Variants in SH3BGR observed in about 807,000 individuals in gnomAD.
The protein encoded by SH3BGR is SH3 domain-binding glutamic acid-rich protein.
A neutral mutation model predicts 24.5 loss-of-function variants in SH3BGR; 29 were observed. That is an observed-to-expected ratio of 1.18 (90% CI 0.88 to 1.61). The LOEUF (loss-of-function observed/expected upper bound fraction) is 1.61. Ranked by LOEUF, SH3BGR falls within the 40% of genes most tolerant of loss-of-function variation. The probability of loss-of-function intolerance (pLI) is 0.00; values close to 1 mark genes in which losing one functional copy is unlikely to be tolerated. For synonymous variants in SH3BGR, 55 were observed against 65.7 expected (o/e 0.84, Z 0.79); for missense variants, 162 against 205.8 (o/e 0.79, Z 1.30).
At chr21:39,501,022 T>C (rs2078485868) in intron 4 of SH3BGR, among the ~76,000 whole-genome samples, 1 of 152,354 alleles carries the variant, frequency 6.6e-6, no homozygotes, top group East Asian at 1.9e-4. Context: ...ACCTAGAAGT[T>C]AGACGGTGTT....
upstream of SH3BGR, among the ~76,000 whole-genome samples, chr21:39,451,617 G>A (rs1474377075): frequency 2.6e-5 from 4 of 152,100 alleles, no homozygotes; most frequent in Admixed American, 6.5e-5. Flanking sequence ...TTTAAACCCA[G>A]CCTCCTCCTA....
chr21:39,501,613 A>T (rs1023986626), intron 4 of SH3BGR, among the ~76,000 whole-genome samples: 7 of 152,362 alleles, frequency 4.6e-5, no homozygotes, highest in African/African-American at 1.7e-4. Flanking sequence ...CTACAGAAAG[A>T]CAGATTCTGA....
intron 2 of SH3BGR, among the ~76,000 whole-genome samples, chr21:39,465,234 A>G (rs569764666): frequency 6.6e-6 from 1 of 152,134 alleles, no homozygotes; most frequent in Admixed American, 6.5e-5. Context: ...CATTCTGGCT[A>G]CCTTCCCCTG....
chr21:39,446,304 T>A (rs2077463560), intron 1 of SH3BGR, among the ~76,000 whole-genome samples: 1 of 152,214 alleles, frequency 6.6e-6, no homozygotes, highest in African/African-American at 2.4e-5. Context: ...TGTTTTTTAA[T>A]GACAGCATAG....
At chr21:39,470,524 A>G (rs1175497193) in intron 2 of SH3BGR, among the ~76,000 whole-genome samples, 1 of 152,220 alleles carries the variant, frequency 6.6e-6, no homozygotes, top group Admixed American at 6.5e-5. Context: ...GGCCTCCCAA[A>G]GTGCTGGGAT....
chr21:39,496,506 C>CA (rs56909090), intron 3 of SH3BGR, among the ~76,000 whole-genome samples: 2,833 of 102,326 alleles, frequency 0.028, 40 homozygotes, highest in Non-Finnish European at 0.036. Context: ...GACTCCGTCT[C>CA]AAAAAAAAAA....
chr21:39,456,608 T>C (rs1167278396), intron 1 of SH3BGR, among the ~76,000 whole-genome samples: 1 of 148,334 alleles, frequency 6.7e-6, no homozygotes, highest in Non-Finnish European at 1.5e-5. Flanking sequence ...GCAGATTCCA[T>C]GCGGGGTAGC....
intron 3 of SH3BGR, among the ~76,000 whole-genome samples, chr21:39,481,594 A>G (rs1280390546): frequency 6.6e-6 from 1 of 152,200 alleles, no homozygotes; most frequent in African/African-American, 2.4e-5. Context: ...AAACCTATCT[A>G]CGCTTAAGTC....
chr21:39,497,696 G>C (rs1451042113), intron 3 of SH3BGR, among the ~76,000 whole-genome samples: 1 of 152,062 alleles, frequency 6.6e-6, no homozygotes, highest in Non-Finnish European at 1.5e-5. Flanking sequence ...ATTATTTGAA[G>C]AGGAAATAGA....
At chr21:39,447,764 G>A (rs1003738627), upstream of SH3BGR, among the ~76,000 whole-genome samples, 1 of 152,090 alleles carries the variant, frequency 6.6e-6, no homozygotes, top group African/African-American at 2.4e-5. Flanking sequence ...GTACACAATG[G>A]AAGGAGAAGA....
At chr21:39,479,901 T>TA (rs2078104642) in intron 3 of SH3BGR, among the ~76,000 whole-genome samples, 2 of 152,218 alleles carry the variant, frequency 1.3e-5, no homozygotes, top group Non-Finnish European at 1.5e-5. Context: ...CTTGTCCATT[T>TA]ACCCTGTTCT....
intron 3 of SH3BGR, among the ~76,000 whole-genome samples, chr21:39,492,443 G>GGTGTGTGTGTGTGTGTGTGT (rs1164205385): frequency 1.5e-5 from 2 of 136,554 alleles, no homozygotes; most frequent in African/African-American, 5.5e-5. Flanking sequence ...AGTTTCCCTT[G>GGTGTGTGTGTGTGTGTGTGT]GTGTGTGTGT....
intron 1 of SH3BGR, among the ~76,000 whole-genome samples, chr21:39,452,839 AG>A (rs1291051763): frequency 1.3e-5 from 2 of 152,218 alleles, no homozygotes; most frequent in African/African-American, 4.8e-5. Flanking sequence ...CGTAAGAAAT[AG>A]GGGTGATGAA....
intron 4 of SH3BGR, 121 bp downstream of exon 4, chr21:39,500,036 T>C: frequency 1.4e-6 from 1 of 715,014 alleles, no homozygotes; most frequent in African/African-American, 1.8e-5. Flanking sequence ...AGCTGAGAGT[T>C]TAGCCAGGGA....
At chr21:39,455,320 C>G (rs144232639) in intron 1 of SH3BGR, among the ~76,000 whole-genome samples, 5 of 152,314 alleles carry the variant, frequency 3.3e-5, no homozygotes, top group Non-Finnish European at 5.9e-5. Context: ...GACACACACC[C>G]CAAATACCCC....
At position 39,456,925 on chromosome 21, in the gene SH3BGR, A is replaced by G. The variant is rs1190111125; in HGVS notation, c.45+4784A>G. On this transcript the variant is annotated intron_variant, in intron 1 of 6. Transcript: ENST00000333634. ...TCTTTAGTTCCATTGTCTTTTTTAT[A>G]TTGATGGTATAAGTGTTAATTAAAT... Among the ~76,000 whole-genome samples, 5 of 130,830 alleles carry G rather than the reference A, an allele frequency of 3.8e-5. No homozygotes were observed. The Admixed American group carries it at 4.4e-4, about 11-fold the overall frequency. 85.8% of individuals were successfully genotyped at this position (130,830 alleles called of 152,430 possible).
At chr21:39,506,944 AAC>A (rs2078594109) in intron 4 of SH3BGR, among the ~76,000 whole-genome samples, 1 of 152,184 alleles carries the variant, frequency 6.6e-6, no homozygotes, top group African/African-American at 2.4e-5. Flanking sequence ...TTCCTTCAGC[AAC>A]CCAGTGAGCA....
At chr21:39,501,917 A>G (rs1260786953) in intron 4 of SH3BGR, among the ~76,000 whole-genome samples, 2 of 152,232 alleles carry the variant, frequency 1.3e-5, no homozygotes, top group African/African-American at 2.4e-5. Flanking sequence ...TCACGCCTAT[A>G]ATCCCTGTAC....
chr21:39,491,608 C>T (rs921437401), intron 3 of SH3BGR: 4 of 233,738 alleles, frequency 1.7e-5, no homozygotes, highest in South Asian at 6.6e-5. Context: ...TGGAGGTGTT[C>T]GGTCCTTGCA....
Sources: allele counts gnomAD v4.1 joint callset (sites outside exome capture counted in the v4.1 genomes callset), GRCh38; gene constraint gnomAD v4.1.1; transcripts MANE v1.5; gene names NCBI Gene and HGNC (gene_info 2026-07-23, HGNC 2026-07-21).